The following TNFAIP8L3 variants were observed in gnomAD, a reference collection of about 807,000 sequenced individuals.
TNFAIP8L3 encodes the protein tumor necrosis factor alpha-induced protein 8-like protein 3.
In TNFAIP8L3, 7 loss-of-function variants were observed where a neutral mutation model predicts 11.8. That is an observed-to-expected ratio of 0.59 (90% CI 0.34 to 1.11). The LOEUF (loss-of-function observed/expected upper bound fraction) is 1.11. Among genes scored for constraint, TNFAIP8L3 ranks in the 50% most tolerant of loss-of-function variants. The pLI, the probability that TNFAIP8L3 is intolerant of heterozygous loss-of-function variation, is 0.03. For synonymous variants in TNFAIP8L3, 98 were observed against 103.8 expected (o/e 0.94, Z 0.34); for missense variants, 219 against 258.6 (o/e 0.85, Z 1.05).
At chr15:51,085,863 A>G (rs959133788) in intron 1 of TNFAIP8L3, among the ~76,000 whole-genome samples, 5 of 152,160 alleles carry the variant, frequency 3.3e-5, no homozygotes, top group Admixed American at 3.3e-4. Context: ...GTCTTCTCTT[A>G]GGGCTCAATC....
Position 51,057,519 on chromosome 15 carries a change from A to T in TNFAIP8L3, c.*362T>A, listed in dbSNP as rs1198311017. ...ATCATGGTTCCAGAATGCAGAGGAC[A>T]GAGTCCTAACTGGTTAAGCTGGAAA... On this transcript the variant is annotated 3_prime_UTR_variant, in exon 2 of 2. Coordinates refer to ENST00000637513, the MANE Select transcript of TNFAIP8L3 (RefSeq NM_001311175.2). 5.5e-6 allele frequency: 1 copy of T among 180,618 alleles called. No homozygotes were observed. Among genetic ancestry groups the T allele is most frequent in the Non-Finnish European group, 1.2e-5 (1 of 85,556 alleles). 11.2% of individuals were successfully genotyped at this position (180,618 alleles called of 1,614,324 possible).
chr15:51,091,630 A>C (rs1595619079), intron 1 of TNFAIP8L3, among the ~76,000 whole-genome samples: 3 of 149,072 alleles, frequency 2.0e-5, no homozygotes, highest in African/African-American at 7.4e-5. Flanking sequence ...CTTGTGCTGG[A>C]AGATGGATGA....
intron 1 of TNFAIP8L3, among the ~76,000 whole-genome samples, chr15:51,074,576 A>G (rs1007280473): frequency 1.3e-5 from 2 of 152,208 alleles, no homozygotes; most frequent in Admixed American, 1.3e-4. Context: ...ACCGGATCCC[A>G]TCCCTCCTAC....
intron 1 of TNFAIP8L3, among the ~76,000 whole-genome samples, chr15:51,075,293 C>T (rs1452167954): frequency 6.6e-6 from 1 of 152,108 alleles, no homozygotes; most frequent in Admixed American, 6.5e-5. Flanking sequence ...TGTCTTTGAC[C>T]CAACAACAGC....
At chr15:51,068,075 A>G (rs2065283005) in intron 1 of TNFAIP8L3, among the ~76,000 whole-genome samples, 1 of 152,214 alleles carries the variant, frequency 6.6e-6, no homozygotes, top group African/African-American at 2.4e-5. Context: ...AGATAGTTAA[A>G]TGCTTTGTAT....
intron 1 of TNFAIP8L3, among the ~76,000 whole-genome samples, chr15:51,091,676 G>GCACACACACA (rs3077947): frequency 1.9e-3 from 277 of 144,106 alleles, no homozygotes; most frequent in South Asian, 7.7e-3. Flanking sequence ...ACCTCCTCAA[G>GCACACACACA]CACACACACA....
intron 1 of TNFAIP8L3, among the ~76,000 whole-genome samples, chr15:51,068,665 T>G (rs1275562348): frequency 1.4e-5 from 2 of 145,404 alleles, no homozygotes; most frequent in Non-Finnish European, 3.0e-5. Flanking sequence ...CTCCTGTTTT[T>G]TTTTTTTTTT....
rs902596820 is a variant in TNFAIP8L3 at position 51,064,475 on chromosome 15, T to C, written c.53-6032A>G. 7 of 148,212 alleles carry C rather than the reference T, an allele frequency of 4.7e-5. No homozygotes were observed. The Admixed American group carries it at 4.7e-4, about 10-fold the overall frequency. 9.2% of individuals were successfully genotyped at this position (148,212 alleles called of 1,614,324 possible). ...TTTACTGGACATATACATATACATA[T>C]GAATATATATATATATGTATATGAC... On this transcript the variant is annotated intron_variant, in intron 1 of 1. Coordinates refer to ENST00000637513, the MANE Select transcript of TNFAIP8L3 (RefSeq NM_001311175.2).
intron 1 of TNFAIP8L3, chr15:51,069,533 C>G (rs1033057052): frequency 9.9e-5 from 15 of 152,162 alleles, no homozygotes; most frequent in African/African-American, 3.6e-4. Flanking sequence ...GCAGGAGGAG[C>G]TGTAAAACCT....
chr15:51,060,612 C>T (rs190216806), intron 1 of TNFAIP8L3, among the ~76,000 whole-genome samples: 1 of 152,206 alleles, frequency 6.6e-6, no homozygotes, highest in African/African-American at 2.4e-5. Context: ...AGCCTGATTA[C>T]CCCCAATGCC....
At chr15:51,102,028 T>G (rs2065556865) in intron 1 of TNFAIP8L3, among the ~76,000 whole-genome samples, 1 of 151,756 alleles carries the variant, frequency 6.6e-6, no homozygotes, top group African/African-American at 2.4e-5. Flanking sequence ...GATACAGACA[T>G]GTACCAGTGG....
intron 1 of TNFAIP8L3, among the ~76,000 whole-genome samples, chr15:51,093,388 T>C (rs2065486778): frequency 6.6e-6 from 1 of 152,180 alleles, no homozygotes; most frequent in Non-Finnish European, 1.5e-5. Flanking sequence ...TATGGGAATC[T>C]CTGTAAAATG....
intron 1 of TNFAIP8L3, among the ~76,000 whole-genome samples, chr15:51,070,741 T>C (rs1472813437): frequency 6.6e-6 from 1 of 152,168 alleles, no homozygotes; most frequent in Non-Finnish European, 1.5e-5. Flanking sequence ...AGCAGTATTT[T>C]TCCCTCACAA....
upstream of TNFAIP8L3, among the ~76,000 whole-genome samples, chr15:51,096,756 T>C (rs2065515896): frequency 6.6e-6 from 1 of 151,768 alleles, no homozygotes; most frequent in Non-Finnish European, 1.5e-5. Flanking sequence ...CCAGGTGTGG[T>C]GGTGCATGCC....
chr15:51,089,750 T>C (rs1406944691), intron 1 of TNFAIP8L3, among the ~76,000 whole-genome samples: 1 of 152,192 alleles, frequency 6.6e-6, no homozygotes, highest in African/African-American at 2.4e-5. Flanking sequence ...TCACTTACTA[T>C]GTCCATAAAA....
chr15:51,063,138 C>T (rs1305480292), intron 1 of TNFAIP8L3, among the ~76,000 whole-genome samples: 1 of 152,154 alleles, frequency 6.6e-6, no homozygotes, highest in African/African-American at 2.4e-5. Context: ...AAATCCATTT[C>T]GGACTTCTGA....
At chr15:51,104,941 T>G in intron 1 of TNFAIP8L3, 1 of 1,604,724 alleles carries the variant, frequency 6.2e-7, no homozygotes, top group Non-Finnish European at 8.5e-7. Flanking sequence ...CCACCTTGCA[T>G]GCTTTGCACA....
At chr15:51,085,313 G>A (rs534365988) in intron 1 of TNFAIP8L3, among the ~76,000 whole-genome samples, 1 of 152,250 alleles carries the variant, frequency 6.6e-6, no homozygotes, top group Admixed American at 6.5e-5. Flanking sequence ...TTGTCACTGG[G>A]CATCTGTAAA....
At chr15:51,061,132 T>C (rs2065240395) in intron 1 of TNFAIP8L3, among the ~76,000 whole-genome samples, 2 of 152,186 alleles carry the variant, frequency 1.3e-5, no homozygotes, top group Admixed American at 1.3e-4. Flanking sequence ...CAAGACTGTC[T>C]CAAAAAAATA....
Sources: gnomAD v4.1 joint callset for allele counts (sites outside exome capture counted in the v4.1 genomes callset) on GRCh38, gnomAD v4.1.1 for gene constraint, MANE v1.5 for transcripts, NCBI Gene and HGNC (gene_info 2026-07-23, HGNC 2026-07-21) for gene names.